The following CACNB2 variants were observed in gnomAD, a reference collection of about 807,000 sequenced individuals.
The protein encoded by CACNB2 is calcium voltage-gated channel auxiliary subunit beta 2.
Under a neutral mutation model 73.3 loss-of-function variants are expected in CACNB2, and 42 were observed. That is an observed-to-expected ratio of 0.57 (90% CI 0.45 to 0.74). The LOEUF (loss-of-function observed/expected upper bound fraction) is 0.74, where lower values mean the gene tolerates loss of function less well. Ranked by LOEUF, CACNB2 falls within the 30% of genes least tolerant of loss-of-function variation. The pLI, the probability that CACNB2 is intolerant of heterozygous loss-of-function variation, is 0.00. For synonymous variants in CACNB2, 348 were observed against 310.3 expected, an observed-to-expected ratio of 1.12 and a Z score of -1.28; for missense variants, 940 against 853.0, an observed-to-expected ratio of 1.10 and a Z score of -1.27.
intron 2 of CACNB2, among the ~76,000 whole-genome samples, chr10:18,360,460 G>A (rs1484023333): frequency 6.6e-6 from 1 of 152,112 alleles, no homozygotes; most frequent in African/African-American, 2.4e-5. Flanking sequence ...CTGGCTTCAA[G>A]GGATCCTCAG....
intron 3 of CACNB2, among the ~76,000 whole-genome samples, chr10:18,439,758 G>C (rs1254935799): frequency 1.3e-5 from 2 of 152,090 alleles, no homozygotes; most frequent in East Asian, 3.9e-4. Flanking sequence ...AAGCTCATCT[G>C]ATACTCGGCT....
intron 2 of CACNB2, among the ~76,000 whole-genome samples, chr10:18,373,662 T>C (rs2042677579): frequency 6.6e-6 from 1 of 152,220 alleles, no homozygotes; most frequent in African/African-American, 2.4e-5. Flanking sequence ...CAATTTCTCA[T>C]TTGTTCTCTC....
chr10:18,501,768 C>G (rs888663391), intron 5 of CACNB2, among the ~76,000 whole-genome samples: 1 of 152,162 alleles, frequency 6.6e-6, no homozygotes, highest in African/African-American at 2.4e-5. Context: ...AGTGATAATA[C>G]TTTACTGTGA....
At chr10:18,249,749 G>A (rs2037014367) in intron 2 of CACNB2, among the ~76,000 whole-genome samples, 1 of 152,114 alleles carries the variant, frequency 6.6e-6, no homozygotes, top group African/African-American at 2.4e-5. Flanking sequence ...CCATCTATAT[G>A]CCACCTTCCT....
chr10:18,527,730 A>ACT, intron 10 of CACNB2, 33 bp downstream of exon 10: 1 of 1,293,828 alleles, frequency 7.7e-7, no homozygotes, highest in Non-Finnish European at 1.1e-6. Context: ...AGCTTTTTAA[A>ACT]CTCTCCTCTC....
intron 2 of CACNB2, among the ~76,000 whole-genome samples, chr10:18,306,783 C>T (rs2039745341): frequency 6.6e-6 from 1 of 152,102 alleles, no homozygotes; most frequent in Admixed American, 6.6e-5. Flanking sequence ...GGGAGAAAAG[C>T]AGGTGATTCC....
chr10:18,359,909 A>G (rs897069179), intron 2 of CACNB2, among the ~76,000 whole-genome samples: 18 of 152,178 alleles, frequency 1.2e-4, no homozygotes, highest in African/African-American at 3.6e-4. Context: ...GTGGTACTAA[A>G]GAGTCCTGGG....
intron 2 of CACNB2, among the ~76,000 whole-genome samples, chr10:18,389,778 TC>T (rs2043384594): frequency 6.6e-6 from 1 of 152,198 alleles, no homozygotes; most frequent in South Asian, 2.1e-4. Context: ...TTTAAGTGTG[TC>T]CCCCTGACAT....
At chr10:18,229,140 G>T (rs1470675532) in intron 2 of CACNB2, among the ~76,000 whole-genome samples, 2 of 152,170 alleles carry the variant, frequency 1.3e-5, no homozygotes, top group African/African-American at 4.8e-5. Flanking sequence ...ATTTGGTCAT[G>T]TAAGTAATGA....
intron 2 of CACNB2, among the ~76,000 whole-genome samples, chr10:18,373,159 TGTCA>T (rs1323130280): frequency 6.6e-6 from 1 of 152,134 alleles, no homozygotes; most frequent in Non-Finnish European, 1.5e-5. Context: ...CAGGCTGCAC[TGTCA>T]GGAGGTTGTA....
At chr10:18,383,752 C>A (rs758614214) in intron 2 of CACNB2, among the ~76,000 whole-genome samples, 1 of 152,100 alleles carries the variant, frequency 6.6e-6, no homozygotes, top group African/African-American at 2.4e-5. Flanking sequence ...GTTGCCCAGG[C>A]TAGAGCACAG....
chr10:18,261,051 C>G, intron 2 of CACNB2: 1 of 1,409,970 alleles, frequency 7.1e-7, no homozygotes, highest in South Asian at 1.5e-5. Context: ...ACGCCCCCCA[C>G]CCCCAAAAAA....
Position 18,402,011 on chromosome 10 carries a change from CGGCA to C in CACNB2, c.305_308del (p.Gln102ProfsTer58). ...GGAGGCAGTGCGCAGAGAAGCGGAGCGGCAGGCCCAGGCACAGTTGGAAAAAGCA... is the reference window on the plus strand; with the variant it reads ...GGAGGCAGTGCGCAGAGAAGCGGAGCGGCCCAGGCACAGTTGGAAAAAGCA... On this transcript the variant is annotated frameshift_variant, in exon 3 of 14. Transcript: ENST00000324631. LOFTEE classifies it high-confidence loss of function. 1 of 1,614,052 alleles carries C rather than the reference CGGCA, an allele frequency of 6.2e-7. No homozygotes were observed. The highest frequency in any genetic ancestry group is 8.5e-7 in the Non-Finnish European group (1 of 1,179,974).
Position 18,539,383 on chromosome 10 carries a change from G to A in CACNB2, c.1642G>A (p.Gly548Ser), listed in dbSNP as rs730880059. The A allele has an allele frequency of 1.5e-5, 24 of 1,613,876 alleles. No individual in the cohort carries two copies. Among genetic ancestry groups the A allele is most frequent in the Non-Finnish European group, 1.9e-5 (23 of 1,180,022 alleles). Reference protein sequence around the residue: ...HHNHRSGTSRGLSRQETFDSE... With the variant: ...HHNHRSGTSRSLSRQETFDSE... ...CAACCATCGCAGTGGGACAAGTCGC[G>A]GCCTCTCCAGGCAAGAGACATTTGA... Residue 548 changes from glycine (G) to serine (S), a missense_variant, in exon 14 of 14, where the codon GGC becomes AGC. Physicochemically the swap from Gly to Ser is moderately conservative, Grantham distance 56. Transcript: ENST00000324631.
At position 18,440,871 on chromosome 10, in the gene CACNB2, A is replaced by T. The variant is rs2046378176; in HGVS notation, c.333+38828A>T. 2.6e-5 allele frequency among the ~76,000 whole-genome samples: 4 copies of T among 152,208 alleles called. No individual in the cohort carries two copies. The South Asian group carries it at 8.3e-4, about 32-fold the overall frequency. On this transcript the variant is annotated intron_variant, in intron 3 of 13. Coordinates refer to ENST00000324631, the MANE Select transcript of CACNB2 (RefSeq NM_201596.3). ...TCACACAGGGACTTGCAGGCCAGAG[A>T]TGCAGGCCATGGGGAAGCCTTTGGA...
chr10:18,501,461 A>G (rs1400665187), intron 5 of CACNB2, among the ~76,000 whole-genome samples: 1 of 152,262 alleles, frequency 6.6e-6, no homozygotes, highest in Admixed American at 6.5e-5. Context: ...GAAACAAGTT[A>G]AAACTGCCTG....
chr10:18,147,319 T>A (rs980224373), intron 1 of CACNB2, among the ~76,000 whole-genome samples: 6 of 152,232 alleles, frequency 3.9e-5, no homozygotes, highest in African/African-American at 1.4e-4. Flanking sequence ...TTAAGAATTT[T>A]TTTCCCTAGT....
chr10:18,385,541 C>A (rs903779272), intron 2 of CACNB2, among the ~76,000 whole-genome samples: 1 of 150,508 alleles, frequency 6.6e-6, no homozygotes, highest in Admixed American at 6.6e-5. Flanking sequence ...GCAGGAGAAT[C>A]GCTTGAACTC....
Position 18,540,994 on chromosome 10 carries a change from G to C in CACNB2, c.*1270G>C, listed in dbSNP as rs954261691. The C allele has an allele frequency of 2.0e-5, 3 of 152,574 alleles. No individual in the cohort carries two copies. The highest frequency in any genetic ancestry group is 2.9e-5 in the Non-Finnish European group (2 of 68,038). 9.5% of individuals were successfully genotyped at this position (152,574 alleles called of 1,614,324 possible). On this transcript the variant is annotated 3_prime_UTR_variant, in exon 14 of 14. Transcript: ENST00000324631. ...GTGAAAATACAGGCAATTTTACTGTGAGTGTTTCACTGGAAATGTACAATC... is the reference window on the plus strand; with the variant it reads ...GTGAAAATACAGGCAATTTTACTGTCAGTGTTTCACTGGAAATGTACAATC...
Sources: allele counts gnomAD v4.1 joint callset (sites outside exome capture counted in the v4.1 genomes callset), GRCh38; gene constraint gnomAD v4.1.1; transcripts MANE v1.5; gene names NCBI Gene and HGNC (gene_info 2026-07-23, HGNC 2026-07-21).